SMOC2: variants seen among roughly 807,000 people sequenced by gnomAD.
The protein encoded by SMOC2 is SPARC related modular calcium binding 2, also known as SPARC-related modular calcium-binding protein 2.
In SMOC2, 39 loss-of-function variants were observed where a neutral mutation model predicts 61.4. The observed-to-expected ratio is 0.64, with a 90% CI of 0.49 to 0.83. SMOC2 has a LOEUF of 0.83. SMOC2 is among the 40% of genes least tolerant of loss of function. The pLI, the probability that SMOC2 is intolerant of heterozygous loss-of-function variation, is 0.00. For synonymous variants in SMOC2, 247 were observed against 239.9 expected (o/e 1.03, Z -0.27); for missense variants, 556 against 592.9 (o/e 0.94, Z 0.65).
chr6:168,661,612 A>C (rs77153869), intron 11 of SMOC2, among the ~76,000 whole-genome samples: 38 of 152,048 alleles, frequency 2.5e-4, no homozygotes, highest in African/African-American at 2.4e-4. Flanking sequence ...ACCTCCCCCC[A>C]AAAAAAAGAA....
chr6:168,450,755 A>C (rs1781442599), intron 1 of SMOC2, among the ~76,000 whole-genome samples: 1 of 152,158 alleles, frequency 6.6e-6, no homozygotes. Context: ...CCAACACCAG[A>C]TATGGTCTTG....
rs145332357 is a variant in SMOC2, at chr6:168,475,590, G to T, written c.84+34136G>T. Among the ~76,000 whole-genome samples the T allele has an allele frequency of 6.6e-6, 1 of 152,218 alleles. No homozygotes were observed. The highest frequency in any genetic ancestry group is 2.4e-5 in the African/African-American group (1 of 41,554). On this transcript the variant is annotated intron_variant, in intron 1 of 12. Coordinates refer to ENST00000356284, the MANE Select transcript of SMOC2 (RefSeq NM_001166412.2). The surrounding 1 kb of genome is among the most constrained non-coding windows in gnomAD (Gnocchi z 4.6). ...ACAGGGCATGAAGGCACATGGGTCT[G>T]GAAGGCAGTGTCAGGACTGAGACAG...
intron 7 of SMOC2, among the ~76,000 whole-genome samples, chr6:168,560,060 AT>A (rs1284054058): frequency 2.6e-5 from 4 of 152,240 alleles, no homozygotes; most frequent in African/African-American, 9.6e-5. Flanking sequence ...GTAACCACAC[AT>A]GTACTTCATA....
chr6:168,606,842 G>A (rs904932968), intron 8 of SMOC2, among the ~76,000 whole-genome samples: 2 of 152,086 alleles, frequency 1.3e-5, no homozygotes, highest in East Asian at 1.9e-4. Context: ...CCCCATGATG[G>A]TGTTGGCGGG....
intron 1 of SMOC2, among the ~76,000 whole-genome samples, chr6:168,485,606 C>A (rs76595288): frequency 6.6e-6 from 1 of 151,984 alleles, no homozygotes. Context: ...ATATAAAATG[C>A]CCAGAATAGG....
At position 168,613,572 on chromosome 6, in the gene SMOC2, G is replaced by A. The variant is rs569696055; in HGVS notation, c.907+5333G>A. Among the ~76,000 whole-genome samples the A allele has an allele frequency of 1.2e-3, 186 of 152,212 alleles. 3 individuals are homozygous for A. The highest frequency in any genetic ancestry group is 2.0e-3 in the Non-Finnish European group (139 of 68,002). On this transcript the variant is annotated intron_variant, in intron 9 of 12. Coordinates refer to ENST00000356284, the MANE Select transcript of SMOC2 (RefSeq NM_001166412.2). Reference sequence around the variant, plus strand: ...CCAGCAGACTTCATGAATGGTCAAGGCCTCTCCCTAAAGGGCATGGCACAG... The same window carrying A: ...CCAGCAGACTTCATGAATGGTCAAGACCTCTCCCTAAAGGGCATGGCACAG...
intron 1 of SMOC2, among the ~76,000 whole-genome samples, chr6:168,506,949 C>A (rs1371198229): frequency 6.6e-6 from 1 of 152,192 alleles, no homozygotes; most frequent in Non-Finnish European, 1.5e-5. Flanking sequence ...TTCTTACATG[C>A]ACTGTCTTCC....
intron 9 of SMOC2, among the ~76,000 whole-genome samples, chr6:168,616,671 T>A (rs1402430131): frequency 6.6e-6 from 1 of 152,186 alleles, no homozygotes. Context: ...AAATTGCAGT[T>A]TTTAGGAAGC....
chr6:168,490,211 T>C (rs892841541), intron 1 of SMOC2, among the ~76,000 whole-genome samples: 47 of 151,822 alleles, frequency 3.1e-4, no homozygotes, highest in African/African-American at 1.1e-3. Flanking sequence ...TGGATCACAG[T>C]TTTAGAGTGA....
chr6:168,451,341 C>A (rs1024440927), intron 1 of SMOC2, among the ~76,000 whole-genome samples: 3 of 152,218 alleles, frequency 2.0e-5, no homozygotes, highest in Non-Finnish European at 4.4e-5. Context: ...GTCATAAGAG[C>A]ATGTTTTCTG....
rs561670889 is a variant in SMOC2, at chr6:168,616,018, G to A, written c.907+7779G>A. Among the ~76,000 whole-genome samples the A allele has an allele frequency of 1.2e-4, 19 of 152,346 alleles. No homozygotes were observed. In the South Asian group the frequency reaches 3.9e-3, roughly 32 times the overall value. On this transcript the variant is annotated intron_variant, in intron 9 of 12. Coordinates refer to ENST00000356284, the MANE Select transcript of SMOC2 (RefSeq NM_001166412.2). ...GCAACACATTCCTGCCAGGTATCAT[G>A]TGACATGTAAGGACCTCGGTGTTTA...
Position 168,603,482 on chromosome 6 carries a change from C to T in SMOC2, c.824+4478C>T, listed in dbSNP as rs115974820. Among the ~76,000 whole-genome samples, 1,462 of 152,008 alleles carry T rather than the reference C, an allele frequency of 9.6e-3. 23 individuals carry two copies. Among genetic ancestry groups the T allele is most frequent in the African/African-American group, 0.031 (1,288 of 41,466 alleles). The stretch of plus-strand genomic sequence containing the variant: ...AGGAGTGATACAATCTCTCAACAAT[C>T]CTGAAAAACACTCACATTTATTCAT... On this transcript the variant is annotated intron_variant, in intron 8 of 12. Coordinates refer to ENST00000356284, the MANE Select transcript of SMOC2 (RefSeq NM_001166412.2).
intron 1 of SMOC2, among the ~76,000 whole-genome samples, chr6:168,476,627 T>G (rs1358782756): frequency 6.6e-6 from 1 of 152,136 alleles, no homozygotes; most frequent in African/African-American, 2.4e-5. Flanking sequence ...TACTTTAATA[T>G]ATATAGATGT....
intron 9 of SMOC2, among the ~76,000 whole-genome samples, chr6:168,631,191 G>A (rs1786560094): frequency 6.6e-6 from 1 of 152,148 alleles, no homozygotes; most frequent in Admixed American, 6.5e-5. Flanking sequence ...CGGATGCCCA[G>A]CTTTAAAATT....
chr6:168,590,789 T>C (rs9455669), intron 7 of SMOC2, among the ~76,000 whole-genome samples: 41,782 of 152,064 alleles, frequency 0.27, 6,031 homozygotes, highest in South Asian at 0.35. Flanking sequence ...GTCTGGCAGC[T>C]GCTTATTATC....
chr6:168,464,132 A>T (rs528128407), intron 1 of SMOC2, among the ~76,000 whole-genome samples: 4 of 142,088 alleles, frequency 2.8e-5, no homozygotes, highest in African/African-American at 1.0e-4. Flanking sequence ...TGGAGGCTGC[A>T]GTGTGCTGAG....
chr6:168,577,611 C>G (rs1171229940), intron 7 of SMOC2, among the ~76,000 whole-genome samples: 1 of 152,210 alleles, frequency 6.6e-6, no homozygotes, highest in Non-Finnish European at 1.5e-5. Context: ...TTCTGGGTGA[C>G]ACGCACCCTC....
Position 168,606,970 on chromosome 6 carries a change from G to A in SMOC2, c.825-1187G>A, listed in dbSNP as rs562165166. Among the ~76,000 whole-genome samples, 383 of 152,260 alleles carry A rather than the reference G, an allele frequency of 2.5e-3. 1 individual carries two copies. The highest frequency in any genetic ancestry group is 7.7e-3 in the African/African-American group (319 of 41,566). On this transcript the variant is annotated intron_variant, in intron 8 of 12. Coordinates refer to ENST00000356284, the MANE Select transcript of SMOC2 (RefSeq NM_001166412.2). ...GGGCTGGGGAGCCGCCATGCAGCAT[G>A]AGGTCAGCTGAGTGGAGGGGAAGCG...
intron 9 of SMOC2, among the ~76,000 whole-genome samples, chr6:168,630,333 T>A (rs1408686612): frequency 6.6e-6 from 1 of 152,208 alleles, no homozygotes; most frequent in Non-Finnish European, 1.5e-5. Flanking sequence ...TTCCCCAAAT[T>A]AATACTTTTA....
Sources: allele counts gnomAD v4.1 joint callset (sites outside exome capture counted in the v4.1 genomes callset), GRCh38; gene constraint gnomAD v4.1.1; non-coding constraint Gnocchi (gnomAD v3.1); transcripts MANE v1.5; gene names NCBI Gene and HGNC (gene_info 2026-07-23, HGNC 2026-07-21).